The following NFIB variants were observed in gnomAD, a reference collection of about 807,000 sequenced individuals.
The protein encoded by NFIB is nuclear factor 1 B-type.
In NFIB, 11 loss-of-function variants were observed where a neutral mutation model predicts 61.5. That is an observed-to-expected ratio of 0.18 (90% CI 0.11 to 0.30). The LOEUF is 0.30. Among genes scored for constraint, NFIB ranks in the 10% least tolerant of loss-of-function variants. The pLI is 1.00. For missense variants in NFIB, 471 were observed against 608.9 expected (o/e 0.77, Z 2.38); for synonymous variants, 260 against 216.5 (o/e 1.20, Z -1.76).
At chr9:14,410,504 G>A in the NFIB span, among the ~76,000 whole-genome samples, 3 of 152,186 alleles carry the variant, frequency 2.0e-5, no homozygotes, top group Non-Finnish European at 4.4e-5. Context: ...CAGTTCATCA[G>A]AGCATGATTA....
the NFIB span, among the ~76,000 whole-genome samples, chr9:14,475,290 G>A: frequency 6.6e-6 from 1 of 152,300 alleles, no homozygotes; most frequent in South Asian, 2.1e-4. Flanking sequence ...GGGGAGCATG[G>A]CTCCAGAGTT....
chr9:14,497,033 A>G, the NFIB span, among the ~76,000 whole-genome samples: 1 of 152,280 alleles, frequency 6.6e-6, no homozygotes, highest in African/African-American at 2.4e-5. Context: ...ACTACTTAAT[A>G]TTTTCATAAG....
the NFIB span, among the ~76,000 whole-genome samples, chr9:14,487,006 T>C: frequency 6.6e-6 from 1 of 152,210 alleles, no homozygotes; most frequent in Non-Finnish European, 1.5e-5. Flanking sequence ...TTGTGTCAGG[T>C]TATCCAAATG....
intron 1 of NFIB, among the ~76,000 whole-genome samples, chr9:14,344,176 CA>C (rs1468885673): frequency 6.7e-6 from 1 of 150,102 alleles, no homozygotes; most frequent in African/African-American, 2.5e-5. Context: ...CAAGTGAAAG[CA>C]AAAACAACAG....
intron 3 of NFIB, among the ~76,000 whole-genome samples, chr9:14,164,105 C>T (rs1016854285): frequency 2.0e-5 from 3 of 151,084 alleles, no homozygotes; most frequent in Non-Finnish European, 3.0e-5. Context: ...CTGAAATTAA[C>T]AGAATAGAAA....
Position 14,313,314 on chromosome 9 carries a change from G to A in NFIB, c.30+168C>T, listed in dbSNP as rs564260065. ...CTCGCAGTGGCCGTGGCGAGGGGCC[G>A]CTCCCGGCTCCCACGCCGCCCCGCG... On this transcript the variant is annotated intron_variant, in intron 1 of 10. Coordinates refer to ENST00000380953, the MANE Select transcript of NFIB (RefSeq NM_001190737.2). The surrounding 1 kb of genome is among the most constrained non-coding windows in gnomAD (Gnocchi z 4.5). Among the ~76,000 whole-genome samples the A allele has an allele frequency of 9.9e-5, 15 of 151,750 alleles. No homozygotes were observed. In the South Asian group the frequency reaches 2.9e-3, roughly 29 times the overall value.
chr9:14,384,287 A>G (rs910452943), intron 1 of NFIB, among the ~76,000 whole-genome samples: 1 of 152,204 alleles, frequency 6.6e-6, no homozygotes, highest in Non-Finnish European at 1.5e-5. Flanking sequence ...TCAGATGTAC[A>G]TATTTGGCTC....
At chr9:14,200,570 CTT>C (rs2048924067) in intron 2 of NFIB, among the ~76,000 whole-genome samples, 1 of 152,148 alleles carries the variant, frequency 6.6e-6, no homozygotes. Flanking sequence ...ACTTAGTTGA[CTT>C]TTCACACTAA....
intron 2 of NFIB, among the ~76,000 whole-genome samples, chr9:14,247,925 TTC>T (rs933655760): frequency 6.8e-6 from 1 of 146,690 alleles, no homozygotes; most frequent in Non-Finnish European, 1.5e-5. Context: ...TACTAATTTT[TTC>T]TTTTTTTCTT....
In NFIB at chr9:14,226,552, A is replaced by T. The variant is rs570615829; in HGVS notation, c.563-46772T>A. Among the ~76,000 whole-genome samples, 200 of 151,628 alleles carry T rather than the reference A, an allele frequency of 1.3e-3. 2 individuals carry two copies. Among genetic ancestry groups the T allele is most frequent in the African/African-American group, 4.7e-3 (194 of 41,454 alleles). On this transcript the variant is annotated intron_variant, in intron 2 of 10. Coordinates refer to ENST00000380953, the MANE Select transcript of NFIB (RefSeq NM_001190737.2). ...AACAGAGCAAGACCCTATCTCAGAA[A>T]AAAAAAAAAAAAGCAATGAATATAT...
At chr9:14,421,592 T>C in the NFIB span, among the ~76,000 whole-genome samples, 1 of 152,240 alleles carries the variant, frequency 6.6e-6, no homozygotes, top group Non-Finnish European at 1.5e-5. Flanking sequence ...AGTTATCTTA[T>C]CTACATACAA....
intron 2 of NFIB, among the ~76,000 whole-genome samples, chr9:14,298,142 TAA>T (rs2059550262): frequency 6.6e-6 from 1 of 152,142 alleles, no homozygotes; most frequent in Admixed American, 6.5e-5. Flanking sequence ...AACTATAACA[TAA>T]GATGGTATAT....
chr9:14,160,884 C>T (rs1182114076), intron 3 of NFIB, among the ~76,000 whole-genome samples: 1 of 149,510 alleles, frequency 6.7e-6, no homozygotes, highest in South Asian at 2.1e-4. Flanking sequence ...TCAAAAGCCA[C>T]TGCAACCCAC....
At chr9:14,186,508 A>G (rs79488621) in intron 2 of NFIB, among the ~76,000 whole-genome samples, 2,603 of 152,344 alleles carry the variant, frequency 0.017, 63 homozygotes, top group African/African-American at 0.054. Flanking sequence ...GGTAAGAAAC[A>G]AAAGCTTGAC....
At chr9:14,252,768 T>C (rs1310451065) in intron 2 of NFIB, among the ~76,000 whole-genome samples, 2 of 151,502 alleles carry the variant, frequency 1.3e-5, no homozygotes, top group East Asian at 3.9e-4. Flanking sequence ...CAGCTTTACA[T>C]GTTCCTGCCA....
chr9:14,142,800 A>C (rs79942569), intron 6 of NFIB, among the ~76,000 whole-genome samples: 3,114 of 152,282 alleles, frequency 0.02, 110 homozygotes, highest in African/African-American at 0.069. Context: ...TCCAAAAAAG[A>C]AAGTTTTTAA....
intron 1 of NFIB, among the ~76,000 whole-genome samples, chr9:14,348,260 T>G (rs1375482739): frequency 6.6e-6 from 1 of 151,980 alleles, no homozygotes; most frequent in Non-Finnish European, 1.5e-5. Flanking sequence ...TTTTTTGCTT[T>G]GAGGGGAATT....
At chr9:14,528,557 T>C in the NFIB span, among the ~76,000 whole-genome samples, 1 of 152,192 alleles carries the variant, frequency 6.6e-6, no homozygotes, top group Non-Finnish European at 1.5e-5. Flanking sequence ...AATTTTCAAA[T>C]TAATTTTACA....
chr9:14,277,857 G>T (rs1241544470), intron 2 of NFIB, among the ~76,000 whole-genome samples: 1 of 152,132 alleles, frequency 6.6e-6, no homozygotes, highest in South Asian at 2.1e-4. Context: ...AGTACAGATA[G>T]AAATTACCTA....
Sources: allele counts gnomAD v4.1 joint callset (sites outside exome capture counted in the v4.1 genomes callset), GRCh38; gene constraint gnomAD v4.1.1; non-coding constraint Gnocchi (gnomAD v3.1); transcripts MANE v1.5; gene names NCBI Gene and HGNC (gene_info 2026-07-23, HGNC 2026-07-21).